The following CDH10 variants were observed in gnomAD, a reference collection of about 807,000 sequenced individuals.
CDH10 encodes the protein cadherin-10.
A neutral mutation model predicts 73.1 loss-of-function variants in CDH10; 30 were observed. The observed-to-expected ratio is 0.41, with a 90% CI of 0.31 to 0.56. The LOEUF is 0.56. Ranked by LOEUF, CDH10 falls within the 20% of genes least tolerant of loss-of-function variation. CDH10 has a pLI of 0.27. For synonymous variants in CDH10, 345 were observed against 348.2 expected, an observed-to-expected ratio of 0.99 and a Z score of 0.10; for missense variants, 815 against 973.7, an observed-to-expected ratio of 0.84 and a Z score of 2.17.
chr5:24,511,449 T>C lies in CDH10; in HGVS notation c.880A>G (p.Thr294Ala). ...VGTAIGSVKA[T>A]DADTGKNAEV... is the part of the protein sequence containing the mutation. Reference sequence around the variant, plus strand: ...GCATTTTTCCCAGTGTCAGCATCAGTTGCTTTGACACTTCCAATGGCTGTG... The same window carrying C: ...GCATTTTTCCCAGTGTCAGCATCAGCTGCTTTGACACTTCCAATGGCTGTG... The change falls in exon 6 of 12, where the codon ACT becomes GCT. Residue 294 changes from threonine (T) to alanine (A), a missense_variant. Thr to Ala is a moderately conservative substitution (Grantham distance 58). Transcript: ENST00000264463. 1 of 1,611,050 alleles carries C rather than the reference T, an allele frequency of 6.2e-7. No individual in the cohort carries two copies. Among genetic ancestry groups the C allele is most frequent in the South Asian group, 1.1e-5 (1 of 91,010 alleles).
chr5:24,590,575 C>T (rs1579851936), intron 2 of CDH10, among the ~76,000 whole-genome samples: 1 of 151,996 alleles, frequency 6.6e-6, no homozygotes, highest in Non-Finnish European at 1.5e-5. Context: ...CTCCTCTCTA[C>T]TTTAACCCAA....
intron 1 of CDH10, among the ~76,000 whole-genome samples, chr5:24,629,202 T>C (rs1747618278): frequency 6.6e-6 from 1 of 152,160 alleles, no homozygotes; most frequent in African/African-American, 2.4e-5. Context: ...TAAATACTTG[T>C]CATTTTCAAT....
In CDH10 at chr5:24,537,639, G is replaced by C. The variant is rs2111897106; in HGVS notation, c.267C>G (p.Leu89=). The change falls in exon 3 of 12, where the codon CTC becomes CTG. Residue 89 remains leucine (L), a synonymous_variant. Transcript: ENST00000264463. ...CTCCATCTCCAGATAAGATATATTT[G>C]AGTGATCCATCTCCTTTATCTTGGT... The part of the protein sequence containing the change: ...HSDQDKGDGS[L]KYILSGDGAG... 1 of 1,602,478 alleles carries C rather than the reference G, an allele frequency of 6.2e-7. No homozygotes were observed. The highest frequency in any genetic ancestry group is 2.2e-5 in the East Asian group (1 of 44,746).
chr5:24,518,869 T>A (rs1743205667), intron 5 of CDH10, among the ~76,000 whole-genome samples: 1 of 130,072 alleles, frequency 7.7e-6, no homozygotes, highest in Non-Finnish European at 1.7e-5. Flanking sequence ...TAATTTTGAT[T>A]TTTTGACATG....
At chr5:24,536,085 G>A (rs1743943768) in intron 3 of CDH10, among the ~76,000 whole-genome samples, 1 of 152,010 alleles carries the variant, frequency 6.6e-6, no homozygotes, top group African/African-American at 2.4e-5. Context: ...AATAAATACA[G>A]TCACTTTACA....
At chr5:24,558,253 T>C (rs1744836654) in intron 2 of CDH10, among the ~76,000 whole-genome samples, 1 of 151,674 alleles carries the variant, frequency 6.6e-6, no homozygotes, top group African/African-American at 2.4e-5. Context: ...TAGAGCATTT[T>C]ATCATTTCAG....
intron 1 of CDH10, chr5:24,609,846 C>T (rs1746885258): frequency 6.6e-6 from 1 of 152,250 alleles, no homozygotes; most frequent in South Asian, 2.1e-4. Context: ...GGCTTCGCAT[C>T]GATGATCAGG....
At chr5:24,625,573 ACATATATTC>A (rs1254331603) in intron 1 of CDH10, among the ~76,000 whole-genome samples, 686 of 36,796 alleles carry the variant, frequency 0.019, 3 homozygotes, top group Non-Finnish European at 0.087. Context: ...TCATATATAT[ACATATATTC>A]ATATATATGA....
At chr5:24,573,230 G>A (rs1745463441) in intron 2 of CDH10, among the ~76,000 whole-genome samples, 1 of 151,876 alleles carries the variant, frequency 6.6e-6, no homozygotes, top group Non-Finnish European at 1.5e-5. Flanking sequence ...AGACATGATT[G>A]TAAACAGTTA....
intron 1 of CDH10, among the ~76,000 whole-genome samples, chr5:24,634,673 C>T (rs1248407017): frequency 1.3e-5 from 2 of 151,662 alleles, no homozygotes; most frequent in African/African-American, 4.8e-5. Flanking sequence ...TTACTATGCT[C>T]ACCAAAGTAT....
At chr5:24,616,882 T>C (rs1054384541) in intron 1 of CDH10, among the ~76,000 whole-genome samples, 5 of 152,198 alleles carry the variant, frequency 3.3e-5, no homozygotes, top group African/African-American at 9.6e-5. Context: ...ATCTTATCAA[T>C]ATATCTTTTT....
chr5:24,548,347 C>T (rs1298790614), intron 2 of CDH10, among the ~76,000 whole-genome samples: 2 of 151,998 alleles, frequency 1.3e-5, no homozygotes, highest in African/African-American at 2.4e-5. Flanking sequence ...CTTCAAACTC[C>T]TGACCTTGGG....
intron 1 of CDH10, among the ~76,000 whole-genome samples, chr5:24,608,821 G>C (rs1427547732): frequency 6.6e-6 from 1 of 152,162 alleles, no homozygotes; most frequent in Non-Finnish European, 1.5e-5. Context: ...AATTTCGTCA[G>C]GGTGAAATAG....
At chr5:24,519,189 C>T (rs1743221135) in intron 5 of CDH10, among the ~76,000 whole-genome samples, 2 of 152,030 alleles carry the variant, frequency 1.3e-5, no homozygotes, top group South Asian at 4.1e-4. Context: ...CTGTGCCCAG[C>T]CCACATGCAA....
In CDH10 at chr5:24,590,327, A is replaced by G. The variant is rs779649980; in HGVS notation, c.231+2933T>C. Among the ~76,000 whole-genome samples the G allele has an allele frequency of 6.4e-4, 96 of 151,106 alleles. 1 individual carries two copies. Among genetic ancestry groups the G allele is most frequent in the Non-Finnish European group, 1.0e-3 (68 of 67,726 alleles). The stretch of plus-strand genomic sequence containing the variant: ...GAGTTTTTAAATACACATATAATTT[A>G]TATTTATAATGTAATATTATTAGAA... On this transcript the variant is annotated intron_variant, in intron 2 of 11. Coordinates refer to ENST00000264463, the MANE Select transcript of CDH10 (RefSeq NM_006727.5).
chr5:24,561,615 T>TA (rs1365175493), intron 2 of CDH10, among the ~76,000 whole-genome samples: 1 of 152,062 alleles, frequency 6.6e-6, no homozygotes, highest in Non-Finnish European at 1.5e-5. Flanking sequence ...ACAATTAGGT[T>TA]AAAATGAAAG....
At chr5:24,613,603 G>C (rs1747028167) in intron 1 of CDH10, among the ~76,000 whole-genome samples, 1 of 151,596 alleles carries the variant, frequency 6.6e-6, no homozygotes, top group Non-Finnish European at 1.5e-5. Flanking sequence ...ATTTGGGGCA[G>C]CTGGAGAAGA....
At position 24,537,549 on chromosome 5, in the gene CDH10, C is replaced by T. The variant is rs1266718547; in HGVS notation, c.357G>A (p.Arg119=). 1 of 1,613,174 alleles carries T rather than the reference C, an allele frequency of 6.2e-7. No homozygotes were observed. The highest frequency in any genetic ancestry group is 2.2e-5 in the East Asian group (1 of 44,830). ...GDIHATRRID[R]EEKAFYTLRA... The stretch of plus-strand genomic sequence containing the variant: ...GTAGAGTATAAAAGGCCTTTTCCTC[C>T]CTATCAATTCGCCTTGTGGCATGAA... Residue 119 remains arginine (R), a synonymous_variant, in exon 3 of 12, where the codon AGG becomes AGA. Transcript: ENST00000264463.
intron 5 of CDH10, among the ~76,000 whole-genome samples, chr5:24,516,976 C>A (rs1391842775): frequency 6.6e-6 from 1 of 151,772 alleles, no homozygotes; most frequent in African/African-American, 2.4e-5. Context: ...TGAAATAAAT[C>A]TAATTATGTA....
Sources: gnomAD v4.1 joint callset for allele counts (sites outside exome capture counted in the v4.1 genomes callset) on GRCh38, gnomAD v4.1.1 for gene constraint, MANE v1.5 for transcripts, NCBI Gene and HGNC (gene_info 2026-07-23, HGNC 2026-07-21) for gene names.